The following ZMAT4 variants were observed in gnomAD, a reference collection of about 807,000 sequenced individuals.
ZMAT4 encodes zinc finger matrin-type protein 4.
In ZMAT4, 17 loss-of-function variants were observed where a neutral mutation model predicts 28.7. The ratio of observed to expected loss-of-function variants is 0.59; its 90% CI spans 0.41 to 0.89. The LOEUF (loss-of-function observed/expected upper bound fraction) is 0.89, where lower values mean the gene tolerates loss of function less well. Among genes scored for constraint, ZMAT4 ranks in the 40% least tolerant of loss-of-function variants. The pLI is 0.00. For synonymous variants in ZMAT4, 117 were observed against 109.2 expected, an observed-to-expected ratio of 1.07 and a Z score of -0.44; for missense variants, 240 against 283.8, an observed-to-expected ratio of 0.85 and a Z score of 1.11.
intron 6 of ZMAT4, among the ~76,000 whole-genome samples, chr8:40,556,977 C>G (rs1803561084): frequency 6.6e-6 from 1 of 152,072 alleles, no homozygotes; most frequent in Admixed American, 6.6e-5. Flanking sequence ...CTCTCTTTAA[C>G]CCCCACTCCC....
At chr8:40,614,415 G>A (rs1290266896) in intron 5 of ZMAT4, among the ~76,000 whole-genome samples, 1 of 152,160 alleles carries the variant, frequency 6.6e-6, no homozygotes, top group Non-Finnish European at 1.5e-5. Context: ...ATTTGGGGTG[G>A]AGAGTTCTGT....
intron 5 of ZMAT4, among the ~76,000 whole-genome samples, chr8:40,630,169 C>A (rs1234902837): frequency 2.0e-5 from 3 of 152,208 alleles, no homozygotes; most frequent in Non-Finnish European, 2.9e-5. Context: ...GGACCAAATT[C>A]CATCTTCTGC....
chr8:40,541,760 C>T (rs1803037531), intron 6 of ZMAT4, among the ~76,000 whole-genome samples: 1 of 152,140 alleles, frequency 6.6e-6, no homozygotes, highest in African/African-American at 2.4e-5. Flanking sequence ...AGAAACGAGC[C>T]ACTGCTATGT....
intron 2 of ZMAT4, among the ~76,000 whole-genome samples, chr8:40,812,333 GAGA>G (rs1433886510): frequency 2.0e-5 from 3 of 152,278 alleles, no homozygotes; most frequent in South Asian, 4.1e-4. Flanking sequence ...GTGACATAAT[GAGA>G]AGGACACTTT....
At chr8:40,563,069 C>G (rs2118476543) in intron 6 of ZMAT4, among the ~76,000 whole-genome samples, 1 of 152,256 alleles carries the variant, frequency 6.6e-6, no homozygotes, top group South Asian at 2.1e-4. Context: ...GAATCTGAAT[C>G]TTCAGCCCTC....
chr8:40,622,674 G>T (rs1157214213), intron 5 of ZMAT4, among the ~76,000 whole-genome samples: 1 of 152,210 alleles, frequency 6.6e-6, no homozygotes, highest in African/African-American at 2.4e-5. Context: ...TGCTCCTGGT[G>T]AGGCCTCAGG....
intron 6 of ZMAT4, among the ~76,000 whole-genome samples, chr8:40,534,677 CTTTTTTTTTTTTTT>C (rs34915339): frequency 3.4e-5 from 3 of 87,358 alleles, no homozygotes; most frequent in Non-Finnish European, 7.1e-5. Context: ...CATTTGCTAC[CTTTTTTTTTTTTTT>C]TTTTTTTTTG....
intron 5 of ZMAT4, among the ~76,000 whole-genome samples, chr8:40,595,639 G>A (rs28704739): frequency 0.21 from 31,291 of 151,974 alleles, 3,342 homozygotes; most frequent in Middle Eastern, 0.26. Context: ...ACATACCTAA[G>A]CACAGAAAAG....
chr8:40,796,239 G>A (rs191039427), intron 2 of ZMAT4, among the ~76,000 whole-genome samples: 59 of 152,268 alleles, frequency 3.9e-4, no homozygotes, highest in Admixed American at 9.8e-4. Context: ...GCTCCCCAGG[G>A]AGAGGAAACC....
chr8:40,581,375 C>T (rs1804460610), intron 5 of ZMAT4, 114 bp from the exon 6 acceptor site: 1 of 753,740 alleles, frequency 1.3e-6, no homozygotes, highest in Non-Finnish European at 2.3e-6. Context: ...CCTGATCTAC[C>T]CCACCAACAC....
intron 3 of ZMAT4, among the ~76,000 whole-genome samples, chr8:40,752,166 G>T (rs1468861394): frequency 6.6e-6 from 1 of 152,118 alleles, no homozygotes; most frequent in Non-Finnish European, 1.5e-5. Flanking sequence ...ACAACCTTCT[G>T]CTGCCCTACT....
intron 6 of ZMAT4, among the ~76,000 whole-genome samples, chr8:40,571,480 A>G (rs1176839712): frequency 6.6e-6 from 1 of 152,136 alleles, no homozygotes; most frequent in Non-Finnish European, 1.5e-5. Flanking sequence ...GGCTCTTAAC[A>G]ATAGTGGATT....
intron 5 of ZMAT4, among the ~76,000 whole-genome samples, chr8:40,674,164 G>A (rs1363025791): frequency 2.1e-5 from 3 of 143,662 alleles, no homozygotes; most frequent in South Asian, 2.2e-4. Flanking sequence ...GCAAAATCTC[G>A]GCTCACTGCA....
At chr8:40,873,129 G>T (rs1245990029) in intron 1 of ZMAT4, among the ~76,000 whole-genome samples, 1 of 152,190 alleles carries the variant, frequency 6.6e-6, no homozygotes, top group African/African-American at 2.4e-5. Flanking sequence ...GCAGCTTTGA[G>T]GGATGTGTTG....
chr8:40,835,729 G>A (rs1043229668), intron 1 of ZMAT4, among the ~76,000 whole-genome samples: 1 of 152,150 alleles, frequency 6.6e-6, no homozygotes, highest in South Asian at 2.1e-4. Flanking sequence ...GGAAGGCACC[G>A]ACGAGACAGA....
intron 2 of ZMAT4, among the ~76,000 whole-genome samples, chr8:40,824,487 G>T (rs924345423): frequency 2.7e-4 from 41 of 152,040 alleles, no homozygotes; most frequent in Non-Finnish European, 3.8e-4. Flanking sequence ...GAAAAGAAAA[G>T]AAAGAAATTC....
At chr8:40,628,072 G>T (rs1806440477) in intron 5 of ZMAT4, among the ~76,000 whole-genome samples, 1 of 152,216 alleles carries the variant, frequency 6.6e-6, no homozygotes, top group Non-Finnish European at 1.5e-5. Flanking sequence ...TAATTTAAGA[G>T]TTAAGGGAGG....
intron 1 of ZMAT4, among the ~76,000 whole-genome samples, chr8:40,832,745 G>T (rs1001038577): frequency 1.3e-5 from 2 of 152,182 alleles, no homozygotes; most frequent in Non-Finnish European, 2.9e-5. Flanking sequence ...GAGGCCTTCC[G>T]CTGTTGTTTA....
chr8:40,881,503 A>AAAGAAAGAAAGAAAG (rs1563263617), intron 1 of ZMAT4, among the ~76,000 whole-genome samples: 2 of 118,224 alleles, frequency 1.7e-5, no homozygotes, highest in African/African-American at 3.2e-5. Flanking sequence ...AAGAAAGAGG[A>AAAGAAAGAAAGAAAG]AGGAAGGAAG....
Sources: allele counts gnomAD v4.1 joint callset (sites outside exome capture counted in the v4.1 genomes callset), GRCh38; gene constraint gnomAD v4.1.1; transcripts MANE v1.5; gene names NCBI Gene and HGNC (gene_info 2026-07-23, HGNC 2026-07-21).